DHRS12: variants seen among roughly 807,000 people sequenced by gnomAD.
The protein encoded by DHRS12 is dehydrogenase/reductase 12.
Under a neutral mutation model 32.1 loss-of-function variants are expected in DHRS12, and 29 were observed. The ratio of observed to expected loss-of-function variants is 0.90; its 90% CI spans 0.67 to 1.23. DHRS12 has a LOEUF of 1.23. DHRS12 is among the 50% of genes most tolerant of loss of function. The pLI is 0.00. For synonymous variants in DHRS12, 150 were observed against 135.9 expected (o/e 1.10, Z -0.72); for missense variants, 330 against 337.2 (o/e 0.98, Z 0.17).
rs117331287 is a variant in DHRS12 at position 51,773,838 on chromosome 13, G to A, written c.468+92C>T. The A allele has an allele frequency of 1.6e-3, 1,775 of 1,091,156 alleles. 18 individuals carry two copies. The East Asian group carries it at 0.025, about 15-fold the overall frequency. The allele number at this position is 1,091,156 out of a possible 1,614,324, so 67.6% of individuals were successfully genotyped here. On this transcript the variant is annotated intron_variant, in intron 6 of 8. Transcript: ENST00000444610. ...GGTGCTGCATGAACTACTAAGGTCC[G>A]ATTAATGTGCATCCCAGAGTAAGCT...
the DHRS12 span, chr13:51,759,785 T>A: frequency 6.2e-7 from 1 of 1,613,472 alleles, no homozygotes; most frequent in South Asian, 1.1e-5. Flanking sequence ...CTCCCAGGAA[T>A]CAGAAAGATA....
At chr13:51,786,080 CGAG>C (rs978177782) in intron 4 of DHRS12, among the ~76,000 whole-genome samples, 7 of 152,160 alleles carry the variant, frequency 4.6e-5, no homozygotes, top group Admixed American at 2.0e-4. Flanking sequence ...GGGATGTGCC[CGAG>C]GAGGGTGCCA....
At position 51,803,998 on chromosome 13, in the gene DHRS12, C is replaced by T. The variant is rs1249288600; in HGVS notation, c.-9+56G>A. 6 of 1,406,854 alleles carry T rather than the reference C, an allele frequency of 4.3e-6. No individual in the cohort carries two copies. The Admixed American group carries it at 1.8e-4, about 42-fold the overall frequency. 87.1% of individuals were successfully genotyped at this position (1,406,854 alleles called of 1,614,324 possible). On this transcript the variant is annotated intron_variant, in intron 1 of 8. Transcript: ENST00000444610. ...CGTCCCCGCCAACCCTGCTCGCCCG[C>T]GCCGAGGCGGGCCACGTGACAGCCC...
At chr13:51,781,467 A>T (rs188843170) in intron 4 of DHRS12, among the ~76,000 whole-genome samples, 2,609 of 152,266 alleles carry the variant, frequency 0.017, 71 homozygotes, top group African/African-American at 0.059. Context: ...AGGCATTCCC[A>T]GGCATTACAC....
At position 51,791,205 on chromosome 13, in the gene DHRS12, A is replaced by G; in HGVS notation, c.179T>C (p.Phe60Ser). 2 of 1,582,360 alleles carry G rather than the reference A, an allele frequency of 1.3e-6. No individual in the cohort carries two copies. The highest frequency in any genetic ancestry group is 1.2e-5 in the South Asian group (1 of 86,096). ...DLSDPKQIWK[F>S]VENFKQEHKL... is the part of the protein sequence containing the mutation. ...ATGTTCCTGCTTGAAATTTTCAACAAATTTCCAGATTTGCTTGGGATCAGA... is the reference window on the plus strand; with the variant it reads ...ATGTTCCTGCTTGAAATTTTCAACAGATTTCCAGATTTGCTTGGGATCAGA... Residue 60 changes from phenylalanine (F) to serine (S), a missense_variant, in exon 3 of 9, where the codon TTT becomes TCT. Coordinates refer to ENST00000444610, the MANE Select transcript of DHRS12 (RefSeq NM_001377533.1).
intron 1 of DHRS12, among the ~76,000 whole-genome samples, chr13:51,801,523 C>T (rs1200652847): frequency 6.6e-6 from 1 of 152,132 alleles, no homozygotes; most frequent in Non-Finnish European, 1.5e-5. Flanking sequence ...ATGACAGTAC[C>T]GTCCATGTTC....
At chr13:51,778,554 G>T (rs1249473403) in intron 4 of DHRS12, among the ~76,000 whole-genome samples, 1 of 152,168 alleles carries the variant, frequency 6.6e-6, no homozygotes, top group Admixed American at 6.5e-5. Context: ...TGCCAAAAGC[G>T]ATCTGCCGCA....
intron 2 of DHRS12, 125 bp from the exon 3 acceptor site, chr13:51,791,382 C>G (rs1440669748): frequency 2.0e-6 from 1 of 509,712 alleles, no homozygotes; most frequent in Admixed American, 3.8e-5. Context: ...ACGGAAAATA[C>G]CAGTCCCACT....
chr13:51,757,544 A>C, the DHRS12 span, among the ~76,000 whole-genome samples: 1 of 150,638 alleles, frequency 6.6e-6, no homozygotes, highest in African/African-American at 2.4e-5. Context: ...TGCACCCTGC[A>C]CCTTTTCCCG....
intron 2 of DHRS12, among the ~76,000 whole-genome samples, chr13:51,796,886 G>A (rs1955534462): frequency 2.6e-5 from 4 of 152,246 alleles, no homozygotes; most frequent in Admixed American, 2.0e-4. Context: ...ATGAGAAAGG[G>A]AAAGGAACAG....
intron 4 of DHRS12, among the ~76,000 whole-genome samples, chr13:51,781,354 ATCCAGT>A (rs74465167): frequency 0.018 from 2,670 of 152,180 alleles, 37 homozygotes; most frequent in East Asian, 0.1. Context: ...CCGCCACCTT[ATCCAGT>A]TCCACGCACT....
At chr13:51,758,385 C>T in the DHRS12 span, 1 of 1,014,212 alleles carries the variant, frequency 9.9e-7, no homozygotes. Flanking sequence ...AGGCACTGTT[C>T]TAAAGGTTAT....
At chr13:51,767,088 G>GCAAA (rs1167694597), downstream of DHRS12, 1 of 152,242 alleles carries the variant, frequency 6.6e-6, no homozygotes, top group Non-Finnish European at 1.5e-5. Flanking sequence ...TGACTTCGGG[G>GCAAA]CAAACACTGC....
In DHRS12 at chr13:51,771,931, G is replaced by T. The variant is rs754196769; in HGVS notation, c.469-20C>A. The T allele has an allele frequency of 5.0e-6, 8 of 1,613,194 alleles. No individual in the cohort carries two copies. The highest frequency in any genetic ancestry group is 1.7e-6 in the Non-Finnish European group (2 of 1,179,366). ...CTGCCTCTGGACAGGAAGGAGCGAGGGGGTGAACAGGAGAGAGGAGGCGCC... is the reference window on the plus strand; with the variant it reads ...CTGCCTCTGGACAGGAAGGAGCGAGTGGGTGAACAGGAGAGAGGAGGCGCC... On this transcript the variant is annotated intron_variant, in intron 6 of 8. Transcript: ENST00000444610.
chr13:51,764,805 T>TATC (rs1435000978), downstream of DHRS12: 2 of 152,318 alleles, frequency 1.3e-5, no homozygotes, highest in Non-Finnish European at 1.5e-5. Context: ...AGGTGGAGAC[T>TATC]ATCAGTGCAC....
At chr13:51,792,115 A>G (rs2139311175) in intron 2 of DHRS12, among the ~76,000 whole-genome samples, 1 of 152,322 alleles carries the variant, frequency 6.6e-6, no homozygotes, top group South Asian at 2.1e-4. Flanking sequence ...ATAAGTACCC[A>G]GAAGTGCAAT....
At chr13:51,791,336 G>T in intron 2 of DHRS12, 79 bp from the exon 3 acceptor site, 1 of 860,296 alleles carries the variant, frequency 1.2e-6, no homozygotes, top group Non-Finnish European at 1.7e-6. Flanking sequence ...AAAAGTATAC[G>T]GTTTTTAAAA....
chr13:51,791,285 A>G (rs201126891), intron 2 of DHRS12, 28 bp from the exon 3 acceptor site: 3 of 1,169,342 alleles, frequency 2.6e-6, no homozygotes, highest in African/African-American at 3.2e-5. Context: ...AAAAAAAAAA[A>G]CCCTTTTTAA....
At chr13:51,781,739 T>C (rs1367593868) in intron 4 of DHRS12, among the ~76,000 whole-genome samples, 1 of 151,962 alleles carries the variant, frequency 6.6e-6, no homozygotes, top group African/African-American at 2.4e-5. Context: ...CGAGTGAGCA[T>C]GGTAGAGGGT....
Sources: allele counts gnomAD v4.1 joint callset (sites outside exome capture counted in the v4.1 genomes callset), GRCh38; gene constraint gnomAD v4.1.1; transcripts MANE v1.5; gene names NCBI Gene and HGNC (gene_info 2026-07-23, HGNC 2026-07-21).